The following KATNAL2 variants were observed in gnomAD, a reference collection of about 807,000 sequenced individuals.
The protein encoded by KATNAL2 is katanin p60 ATPase-containing subunit A-like 2.
KATNAL2 carries 52 observed loss-of-function variants against 76.3 expected under a neutral mutation model. That is an observed-to-expected ratio of 0.68 (90% CI 0.55 to 0.86). The LOEUF (loss-of-function observed/expected upper bound fraction) is 0.86, where lower values mean the gene tolerates loss of function less well. KATNAL2 is among the 40% of genes least tolerant of loss of function. KATNAL2 has a pLI of 0.00. For missense variants in KATNAL2, 660 were observed against 668.9 expected (o/e 0.99, Z 0.15); for synonymous variants, 243 against 244.2 (o/e 1.00, Z 0.05).
At chr18:47,087,193 GTTATT>G (rs1401201513) in intron 15 of KATNAL2, among the ~76,000 whole-genome samples, 2 of 151,838 alleles carry the variant, frequency 1.3e-5, no homozygotes, top group South Asian at 2.1e-4. Flanking sequence ...TACTCTTTTG[GTTATT>G]TTAAAGTAAT....
intron 10 of KATNAL2, among the ~76,000 whole-genome samples, chr18:47,066,496 G>T (rs1237289846): frequency 6.6e-6 from 1 of 151,904 alleles, no homozygotes; most frequent in Non-Finnish European, 1.5e-5. Flanking sequence ...GATCGCTAGC[G>T]AAAAAAGAGA....
chr18:47,068,526 G>A (rs2061887567), intron 11 of KATNAL2, among the ~76,000 whole-genome samples: 1 of 152,140 alleles, frequency 6.6e-6, no homozygotes, highest in Non-Finnish European at 1.5e-5. Context: ...TGTCCCCATG[G>A]CATTACAAGC....
intron 17 of KATNAL2, among the ~76,000 whole-genome samples, 174 bp downstream of exon 17, chr18:47,100,530 CTT>C (rs1389455301): frequency 1.3e-5 from 2 of 152,302 alleles, no homozygotes; most frequent in East Asian, 3.9e-4. Context: ...TTTGGATCGA[CTT>C]TGCTTGCAGA....
intron 8 of KATNAL2, among the ~76,000 whole-genome samples, chr18:47,061,400 A>C (rs2061627124): frequency 1.3e-5 from 2 of 152,146 alleles, no homozygotes. Flanking sequence ...ATAAACAACC[A>C]GGTCCCTCGT....
chr18:46,951,511 T>A (rs141330926), intron 3 of KATNAL2, among the ~76,000 whole-genome samples: 1 of 152,112 alleles, frequency 6.6e-6, no homozygotes, highest in East Asian at 1.9e-4. Context: ...CAGCTTTTTT[T>A]TTTTCCTAGG....
At position 47,042,419 on chromosome 18, in the gene KATNAL2, C is replaced by G. The variant is rs184550512; in HGVS notation, c.52-4038C>G. 2.6e-5 allele frequency among the ~76,000 whole-genome samples: 4 copies of G among 152,236 alleles called. No individual in the cohort carries two copies. The East Asian group carries it at 5.8e-4, about 22-fold the overall frequency. ...TTATCATCTTAAGCAATAAAACTTT[C>G]TATTTGAATTCTTTTGGATGGATAT... On this transcript the variant is annotated intron_variant, in intron 3 of 17. Transcript: ENST00000683218.
At position 47,045,652 on chromosome 18, in the gene KATNAL2, A is replaced by G. The variant is rs76315734; in HGVS notation, c.52-805A>G. On this transcript the variant is annotated intron_variant, in intron 3 of 17. Transcript: ENST00000683218. Reference sequence around the variant, plus strand: ...AAAAGTGTTTCTATGTATCATGAATATAAGTGTTTGTGCATAGATTTTGTG... The same window carrying G: ...AAAAGTGTTTCTATGTATCATGAATGTAAGTGTTTGTGCATAGATTTTGTG... Among the ~76,000 whole-genome samples, 473 of 152,328 alleles carry G rather than the reference A, an allele frequency of 3.1e-3. 10 individuals carry two copies. In the East Asian group the frequency reaches 0.059, roughly 19 times the overall value.
At chr18:47,032,889 C>A in intron 3 of KATNAL2, 1 of 1,586,364 alleles carries the variant, frequency 6.3e-7, no homozygotes, top group South Asian at 1.2e-5. Context: ...AAAGGCTCAA[C>A]TTTGCACCAA....
chr18:47,066,849 A>T (rs8097481), intron 10 of KATNAL2, among the ~76,000 whole-genome samples, 172 bp from the exon 11 acceptor site: 1,198 of 19,376 alleles, frequency 0.062, 59 homozygotes, highest in African/African-American at 0.11. Flanking sequence ...ATATGTGTTT[A>T]TATATATATA....
intron 1 of KATNAL2, chr18:46,918,150 G>C (rs866167644): frequency 6.6e-6 from 1 of 152,128 alleles, no homozygotes; most frequent in African/African-American, 2.4e-5. Flanking sequence ...CTGATAGCTA[G>C]GAAGGAGTCA....
chr18:46,921,903 T>A (rs1392358829), intron 1 of KATNAL2, among the ~76,000 whole-genome samples: 1 of 152,114 alleles, frequency 6.6e-6, no homozygotes, highest in African/African-American at 2.4e-5. Flanking sequence ...TCCCACTGAT[T>A]ACTTCCTCTC....
chr18:47,080,671 T>C (rs1420895182), intron 15 of KATNAL2, among the ~76,000 whole-genome samples: 16 of 152,226 alleles, frequency 1.1e-4, no homozygotes. Context: ...AAGCAAAGGA[T>C]GAGGGTTCCG....
intron 3 of KATNAL2, among the ~76,000 whole-genome samples, chr18:46,960,833 T>A (rs1405771319): frequency 6.6e-6 from 1 of 152,172 alleles, no homozygotes; most frequent in Admixed American, 6.5e-5. Flanking sequence ...TGCAAGTAAC[T>A]AAACTGTAGA....
chr18:46,937,779 A>G (rs1225039132), intron 1 of KATNAL2, among the ~76,000 whole-genome samples: 2 of 152,224 alleles, frequency 1.3e-5, no homozygotes, highest in East Asian at 3.8e-4. Context: ...CATCAACATG[A>G]TAGTAGATAC....
intron 1 of KATNAL2, among the ~76,000 whole-genome samples, chr18:46,934,513 A>G (rs1466827526): frequency 6.6e-6 from 1 of 151,882 alleles, no homozygotes; most frequent in African/African-American, 2.4e-5. Flanking sequence ...TTTTCTTGTA[A>G]ATTTGTTTGA....
chr18:46,955,804 C>G (rs1448111082), intron 3 of KATNAL2, among the ~76,000 whole-genome samples: 1 of 152,196 alleles, frequency 6.6e-6, no homozygotes, highest in African/African-American at 2.4e-5. Context: ...CCTCCCACTT[C>G]AGCCTTCCAC....
rs575863294 is a variant in KATNAL2, at chr18:46,944,955, A to C, written c.-509-1102A>C. On this transcript the variant is annotated intron_variant, in intron 1 of 17. Coordinates refer to ENST00000683218, the MANE Select transcript of KATNAL2 (RefSeq NM_001387690.1). Reference sequence around the variant, plus strand: ...AAATAAATAAATAAATAAATAAAGTATACAGGATGATGTGCGTACTTACAT... The same window carrying C: ...AAATAAATAAATAAATAAATAAAGTCTACAGGATGATGTGCGTACTTACAT... Among the ~76,000 whole-genome samples the C allele has an allele frequency of 9.9e-5, 15 of 152,258 alleles. No individual in the cohort carries two copies. The South Asian group carries it at 2.9e-3, about 29-fold the overall frequency.
At chr18:47,051,399 T>G (rs1187528706) in intron 4 of KATNAL2, among the ~76,000 whole-genome samples, 1 of 151,424 alleles carries the variant, frequency 6.6e-6, no homozygotes, top group Non-Finnish European at 1.5e-5. Context: ...CCACTCCAGC[T>G]TAGGTGACAG....
intron 15 of KATNAL2, among the ~76,000 whole-genome samples, chr18:47,094,132 T>C (rs893134053): frequency 6.6e-6 from 1 of 152,092 alleles, no homozygotes; most frequent in Non-Finnish European, 1.5e-5. Flanking sequence ...TTGGTCTCTC[T>C]TGTTTGCCTT....
Sources: gnomAD v4.1 joint callset for allele counts (sites outside exome capture counted in the v4.1 genomes callset) on GRCh38, gnomAD v4.1.1 for gene constraint, MANE v1.5 for transcripts, NCBI Gene and HGNC (gene_info 2026-07-23, HGNC 2026-07-21) for gene names.